ITGBL1: variants seen among roughly 807,000 people sequenced by gnomAD.
The protein encoded by ITGBL1 is integrin subunit beta like 1.
In ITGBL1, 51 loss-of-function variants were observed where a neutral mutation model predicts 68.5. That is an observed-to-expected ratio of 0.74 (90% confidence interval 0.59 to 0.94). The LOEUF is 0.94. ITGBL1 is among the 40% of genes least tolerant of loss of function. The pLI, the probability that ITGBL1 is intolerant of heterozygous loss-of-function variation, is 0.00. For synonymous variants in ITGBL1, 209 were observed against 227.3 expected, an observed-to-expected ratio of 0.92 and a Z score of 0.72; for missense variants, 649 against 647.4, an observed-to-expected ratio of 1.00 and a Z score of -0.03.
At chr13:101,625,307 A>G (rs2031732685) in intron 7 of ITGBL1, among the ~76,000 whole-genome samples, 1 of 152,200 alleles carries the variant, frequency 6.6e-6, no homozygotes, top group Non-Finnish European at 1.5e-5. Flanking sequence ...TGGATTCTCC[A>G]TATAGCTGCT....
chr13:101,584,810 G>A (rs974478406), intron 6 of ITGBL1, among the ~76,000 whole-genome samples: 3 of 152,020 alleles, frequency 2.0e-5, no homozygotes, highest in African/African-American at 7.2e-5. Flanking sequence ...AGAATAGTGG[G>A]GAAGAGGCCT....
At chr13:101,517,270 T>C (rs1430368936) in intron 2 of ITGBL1, among the ~76,000 whole-genome samples, 3 of 152,170 alleles carry the variant, frequency 2.0e-5, no homozygotes, top group South Asian at 4.1e-4. Flanking sequence ...CATCAGTACC[T>C]ATGCCTAAAG....
intron 7 of ITGBL1, among the ~76,000 whole-genome samples, chr13:101,655,822 A>G (rs931124632): frequency 6.6e-6 from 1 of 152,218 alleles, no homozygotes; most frequent in Non-Finnish European, 1.5e-5. Context: ...ATGCTATGAA[A>G]GCCTTAATAT....
At chr13:101,572,896 T>C (rs2050296518) in intron 3 of ITGBL1, among the ~76,000 whole-genome samples, 1 of 152,132 alleles carries the variant, frequency 6.6e-6, no homozygotes, top group South Asian at 2.1e-4. Flanking sequence ...GAGAGGCCCA[T>C]ATTATATATG....
intron 2 of ITGBL1, among the ~76,000 whole-genome samples, chr13:101,543,418 G>C (rs556640259): frequency 6.6e-6 from 1 of 152,242 alleles, no homozygotes; most frequent in Admixed American, 6.5e-5. Context: ...AGTTTCTGCC[G>C]AGAGATCAGC....
rs193192835 is a variant in ITGBL1, at chr13:101,638,886, A to G, written c.1015+40587A>G. Among the ~76,000 whole-genome samples, 18 of 152,328 alleles carry G rather than the reference A, an allele frequency of 1.2e-4. 1 individual carries two copies. The highest frequency in any genetic ancestry group is 1.2e-3 in the Admixed American group (18 of 15,288). Reference sequence around the variant, plus strand: ...TATTATTTAATATTGCATTTTGAGTACAAATAAATTTTGGCTTTTAATCGT... The same window carrying G: ...TATTATTTAATATTGCATTTTGAGTGCAAATAAATTTTGGCTTTTAATCGT... On this transcript the variant is annotated intron_variant, in intron 7 of 10. Transcript: ENST00000376180.
chr13:101,560,643 T>A (rs1483237167), intron 2 of ITGBL1, among the ~76,000 whole-genome samples: 1 of 152,230 alleles, frequency 6.6e-6, no homozygotes, highest in Non-Finnish European at 1.5e-5. Flanking sequence ...AACAAAAATT[T>A]GCACTTACCT....
At chr13:101,699,270 C>G (rs2034075014) in intron 8 of ITGBL1, among the ~76,000 whole-genome samples, 1 of 152,170 alleles carries the variant, frequency 6.6e-6, no homozygotes, top group Admixed American at 6.5e-5. Flanking sequence ...GGTTGTCATT[C>G]CAGGGTTGGA....
intron 7 of ITGBL1, among the ~76,000 whole-genome samples, chr13:101,606,266 G>T (rs2030853153): frequency 1.3e-5 from 2 of 149,712 alleles, no homozygotes; most frequent in African/African-American, 4.9e-5. Flanking sequence ...TCTGCTGGTG[G>T]TGACTAAGTG....
intron 2 of ITGBL1, among the ~76,000 whole-genome samples, chr13:101,560,356 G>A (rs1261389733): frequency 6.6e-6 from 1 of 152,134 alleles, no homozygotes; most frequent in Non-Finnish European, 1.5e-5. Context: ...AGCTGGCAGA[G>A]TCAACTAAGT....
At chr13:101,541,798 C>T (rs1034692159) in intron 2 of ITGBL1, among the ~76,000 whole-genome samples, 2 of 152,020 alleles carry the variant, frequency 1.3e-5, no homozygotes, top group Non-Finnish European at 2.9e-5. Context: ...ATGTATGTGT[C>T]GAGGAATTTA....
intron 2 of ITGBL1, among the ~76,000 whole-genome samples, chr13:101,526,010 A>G (rs1303159808): frequency 6.6e-6 from 1 of 152,056 alleles, no homozygotes; most frequent in African/African-American, 2.4e-5. Context: ...GAAAAATAAC[A>G]ACCCTATTTT....
chr13:101,690,545 A>T (rs1299128452), intron 7 of ITGBL1, among the ~76,000 whole-genome samples: 1 of 152,118 alleles, frequency 6.6e-6, no homozygotes, highest in Non-Finnish European at 1.5e-5. Context: ...TATCCAGACC[A>T]CACTGCTGAT....
intron 2 of ITGBL1, among the ~76,000 whole-genome samples, chr13:101,466,482 C>T (rs547345505): frequency 2.8e-4 from 43 of 152,184 alleles, no homozygotes; most frequent in Non-Finnish European, 5.4e-4. Flanking sequence ...ATCTACTTGG[C>T]CATTAAGACA....
intron 2 of ITGBL1, among the ~76,000 whole-genome samples, chr13:101,467,983 A>G (rs1442859124): frequency 1.3e-5 from 2 of 152,314 alleles, no homozygotes; most frequent in East Asian, 3.9e-4. Context: ...GGGGTAGAGT[A>G]AGGAGCCAAA....
chr13:101,539,629 T>C (rs1425565064), intron 2 of ITGBL1, among the ~76,000 whole-genome samples: 2 of 151,626 alleles, frequency 1.3e-5, no homozygotes, highest in Non-Finnish European at 2.9e-5. Flanking sequence ...ATCGCCACAC[T>C]GACTTCCACA....
At chr13:101,472,292 T>C (rs1367417400) in intron 2 of ITGBL1, among the ~76,000 whole-genome samples, 1 of 152,188 alleles carries the variant, frequency 6.6e-6, no homozygotes, top group East Asian at 1.9e-4. Flanking sequence ...ACAAATCCCA[T>C]AAAGCACAGC....
intron 7 of ITGBL1, among the ~76,000 whole-genome samples, chr13:101,627,738 TATGCACTTAA>T (rs1057198097): frequency 2.7e-4 from 41 of 152,150 alleles, no homozygotes; most frequent in African/African-American, 8.2e-4. Flanking sequence ...CACTTACGAA[TATGCACTTAA>T]GTTTTTTAAG....
intron 7 of ITGBL1, among the ~76,000 whole-genome samples, chr13:101,601,878 G>A (rs1594919951): frequency 6.6e-6 from 1 of 151,996 alleles, no homozygotes; most frequent in African/African-American, 2.4e-5. Flanking sequence ...TTTTGGAATA[G>A]GTGTGGTCTG....
Sources: gnomAD v4.1 joint callset for allele counts (sites outside exome capture counted in the v4.1 genomes callset) on GRCh38, gnomAD v4.1.1 for gene constraint, MANE v1.5 for transcripts, NCBI Gene and HGNC (gene_info 2026-07-23, HGNC 2026-07-21) for gene names.